Variants in GALR1 observed in about 807,000 individuals in gnomAD.
GALR1 encodes galanin receptor type 1.
In GALR1, 11 loss-of-function variants were observed where a neutral mutation model predicts 17.9. The observed-to-expected ratio is 0.62, with a 90% CI of 0.39 to 1.02. The LOEUF (loss-of-function observed/expected upper bound fraction) is 1.02. GALR1 is among the 50% of genes least tolerant of loss of function. The pLI, the probability that GALR1 is intolerant of heterozygous loss-of-function variation, is 0.01. For missense variants in GALR1, 441 were observed against 456.9 expected, an observed-to-expected ratio of 0.97 and a Z score of 0.32; for synonymous variants, 206 against 205.7, an observed-to-expected ratio of 1.00 and a Z score of -0.01.
rs143127587 is a variant in GALR1 at position 77,268,592 on chromosome 18, A to T, written c.740A>T (p.Gln247Leu). ...KSEASKKKTA[Q>L]TVLVVVVVFG... Reference sequence around the variant, plus strand: ...CCTCTTCTTCTTTTCTAGACTGCACAGACAGTTCTGGTGGTGGTTGTGGTG... The same window carrying T: ...CCTCTTCTTCTTTTCTAGACTGCACTGACAGTTCTGGTGGTGGTTGTGGTG... The change falls in exon 3 of 3, where the codon CAG becomes CTG. Residue 247 changes from glutamine to leucine, a missense_variant. Coordinates refer to ENST00000299727, the MANE Select transcript of GALR1 (RefSeq NM_001480.4). 1.9e-6 allele frequency: 3 copies of T among 1,612,704 alleles called. No individual in the cohort carries two copies. The African/African-American group carries it at 4.0e-5, about 22-fold the overall frequency.
intron 2 of GALR1, among the ~76,000 whole-genome samples, chr18:77,263,970 A>C (rs990755452): frequency 6.6e-6 from 1 of 151,860 alleles, no homozygotes; most frequent in East Asian, 1.9e-4. Flanking sequence ...ACCCGTCTAT[A>C]CTAAAAATAC....
chr18:77,258,648 GTC>G (rs1912669096), intron 2 of GALR1, among the ~76,000 whole-genome samples: 1 of 138,886 alleles, frequency 7.2e-6, no homozygotes, highest in Non-Finnish European at 1.6e-5. Context: ...GGTGGTGGTG[GTC>G]ATAGTGGTGG....
At chr18:77,262,780 G>T (rs55815515) in intron 2 of GALR1, among the ~76,000 whole-genome samples, 20,095 of 152,250 alleles carry the variant, frequency 0.13, 1,586 homozygotes, top group East Asian at 0.34. Context: ...TACCCATTAA[G>T]CCTTCTTTCC....
intron 2 of GALR1, among the ~76,000 whole-genome samples, chr18:77,257,676 A>G (rs988552247): frequency 6.6e-6 from 1 of 152,210 alleles, no homozygotes; most frequent in African/African-American, 2.4e-5. Flanking sequence ...CTCCTAGGAC[A>G]GTTATTTTTA....
At position 77,256,175 on chromosome 18, in the gene GALR1, T is replaced by C; in HGVS notation, c.684T>C (p.His228=). The change falls in exon 2 of 3, where the codon CAT becomes CAC. Residue 228 remains histidine (H), a synonymous_variant. Coordinates refer to ENST00000299727, the MANE Select transcript of GALR1 (RefSeq NM_001480.4). The part of the protein sequence containing the change: ...FCYAKVLNHL[H]KKLKNMSKKS... ...TCTTTCAGGTCCTTAATCACTTGCATAAAAAGTTGAAGAACATGTCAAAGA... is the reference window on the plus strand; with the variant it reads ...TCTTTCAGGTCCTTAATCACTTGCACAAAAAGTTGAAGAACATGTCAAAGA... The C allele has an allele frequency of 6.2e-7, 1 of 1,604,288 alleles. No individual in the cohort carries two copies. Among genetic ancestry groups the C allele is most frequent in the South Asian group, 1.1e-5 (1 of 90,834 alleles).
At chr18:77,259,314 A>G (rs1225705605) in intron 2 of GALR1, among the ~76,000 whole-genome samples, 5 of 88,858 alleles carry the variant, frequency 5.6e-5, no homozygotes, top group Admixed American at 1.2e-4. Flanking sequence ...GATGGTGGTG[A>G]TGATGGTGGT....
intron 1 of GALR1, among the ~76,000 whole-genome samples, chr18:77,252,519 G>A (rs1262390459): frequency 6.6e-6 from 1 of 152,188 alleles, no homozygotes; most frequent in South Asian, 2.1e-4. Context: ...TAGGTAGATT[G>A]TGTCTATTTT....
In GALR1 at chr18:77,252,941, CCACCACCATCACCACCAT is replaced by C. The variant is rs1568139126; in HGVS notation, c.666+1736_666+1753del. 8.2e-3 allele frequency among the ~76,000 whole-genome samples: 429 copies of C among 52,388 alleles called. 7 individuals are homozygous for C. Among genetic ancestry groups the C allele is most frequent in the Middle Eastern group, 0.079 (9 of 114 alleles). 34.4% of individuals were successfully genotyped at this position (52,388 alleles called of 152,430 possible). A position where few individuals can be genotyped will look rare whatever the true frequency, so the allele number is the denominator to read the frequency against. ...ACCACCATCACCACCACCACCACCACCACCACCATCACCACCATCACCACCACCATCACCACCATCACC... is the reference window on the plus strand; with the variant it reads ...ACCACCATCACCACCACCACCACCACCACCACCACCATCACCACCATCACC... On this transcript the variant is annotated intron_variant, in intron 1 of 2. Transcript: ENST00000299727.
At chr18:77,267,497 C>T (rs1025588925) in intron 2 of GALR1, among the ~76,000 whole-genome samples, 1 of 152,184 alleles carries the variant, frequency 6.6e-6, no homozygotes, top group Non-Finnish European at 1.5e-5. Flanking sequence ...TGCATGTGGT[C>T]CCATCATCGG....
At chr18:77,264,535 A>G (rs1431927628) in intron 2 of GALR1, among the ~76,000 whole-genome samples, 1 of 152,158 alleles carries the variant, frequency 6.6e-6, no homozygotes, top group Non-Finnish European at 1.5e-5. Flanking sequence ...TGGGAAGGCC[A>G]GGGGAGGGGG....
chr18:77,259,299 GTGA>G lies in GALR1; in HGVS notation c.732+3082_732+3084del, dbSNP rs1480156974. Among the ~76,000 whole-genome samples, 14 of 57,694 alleles carry G rather than the reference GTGA, an allele frequency of 2.4e-4. 2 individuals carry two copies. Among genetic ancestry groups the G allele is most frequent in the Non-Finnish European group, 3.5e-4 (7 of 20,144 alleles). The allele number at this position is 57,694 out of a possible 152,430, so 37.8% of individuals were successfully genotyped here. On this transcript the variant is annotated intron_variant, in intron 2 of 2. Coordinates refer to ENST00000299727, the MANE Select transcript of GALR1 (RefSeq NM_001480.4). Reference sequence around the variant, plus strand: ...GGTGGTGGTCATGGTGGTCATGGTGGTGATGATGGTGGTGATGATGGTGGTCAT... The same window carrying G: ...GGTGGTGGTCATGGTGGTCATGGTGGTGATGGTGGTGATGATGGTGGTCAT...
intron 2 of GALR1, among the ~76,000 whole-genome samples, chr18:77,258,824 GTGC>G (rs1568141509): frequency 1.0e-4 from 11 of 108,396 alleles, no homozygotes; most frequent in East Asian, 6.0e-4. Context: ...AGTGGTGGTG[GTGC>G]TGGTGATGGT....
rs1312932288 is a variant in GALR1, at chr18:77,277,707, T to G, written c.*8805T>G. ...AGAGCTGGCCATACAATTTATCTCA[T>G]TATTTATAGATCTAGCATGAATGCC... On this transcript the variant is annotated 3_prime_UTR_variant, in exon 3 of 3. Coordinates refer to ENST00000299727, the MANE Select transcript of GALR1 (RefSeq NM_001480.4). 1.3e-5 allele frequency: 2 copies of G among 152,234 alleles called. No individual in the cohort carries two copies. The highest frequency in any genetic ancestry group is 2.9e-5 in the Non-Finnish European group (2 of 68,050). 9.4% of individuals were successfully genotyped at this position (152,234 alleles called of 1,614,324 possible).
chr18:77,252,208 C>G (rs549892333), intron 1 of GALR1, among the ~76,000 whole-genome samples: 1 of 151,726 alleles, frequency 6.6e-6, no homozygotes, highest in African/African-American at 2.4e-5. Flanking sequence ...CTTTGACATA[C>G]GTGTTTTTAT....
Position 77,256,300 on chromosome 18 carries a change from G to A in GALR1, c.732+77G>A, listed in dbSNP as rs568547308. The stretch of plus-strand genomic sequence containing the variant: ...CTTTGTTTTTTTTACTTGTCCTCAC[G>A]TCCATCCAAAGCCTGTAACATTTAG... On this transcript the variant is annotated intron_variant, in intron 2 of 2. Coordinates refer to ENST00000299727, the MANE Select transcript of GALR1 (RefSeq NM_001480.4). The A allele has an allele frequency of 3.9e-5, 32 of 822,170 alleles. 2 individuals are homozygous for A. The highest frequency in any genetic ancestry group is 3.1e-4 in the South Asian group (20 of 65,564). The allele number at this position is 822,170 out of a possible 1,614,324, so 50.9% of individuals were successfully genotyped here.
chr18:77,266,542 C>T (rs563525142), intron 2 of GALR1, among the ~76,000 whole-genome samples: 8 of 152,260 alleles, frequency 5.3e-5, no homozygotes, highest in East Asian at 1.9e-4. Context: ...ACCAATTTAC[C>T]GTATTAGTCC....
In GALR1 at chr18:77,269,066, G is replaced by T; in HGVS notation, c.*164G>T. ...GTTAAAAAGTACTTTGATCCATTTAGGAAATTCCTAGGTCTAGTGAGAATT... is the reference window on the plus strand; with the variant it reads ...GTTAAAAAGTACTTTGATCCATTTATGAAATTCCTAGGTCTAGTGAGAATT... On this transcript the variant is annotated 3_prime_UTR_variant, in exon 3 of 3. Coordinates refer to ENST00000299727, the MANE Select transcript of GALR1 (RefSeq NM_001480.4). 1 of 604,044 alleles carries T rather than the reference G, an allele frequency of 1.7e-6. No individual in the cohort carries two copies. The allele number at this position is 604,044 out of a possible 1,614,324, so 37.4% of individuals were successfully genotyped here. A position where few individuals can be genotyped will look rare whatever the true frequency, so the allele number is the denominator to read the frequency against.
At chr18:77,262,645 T>C (rs1483856719) in intron 2 of GALR1, among the ~76,000 whole-genome samples, 1 of 152,224 alleles carries the variant, frequency 6.6e-6, no homozygotes, top group Non-Finnish European at 1.5e-5. Flanking sequence ...TGGCCTGAGA[T>C]GCTTGATAAA....
rs1913158290 is a variant in GALR1 at position 77,276,376 on chromosome 18, T to G, written c.*7474T>G. 1 of 152,252 alleles carries G rather than the reference T, an allele frequency of 6.6e-6. No homozygotes were observed. Among genetic ancestry groups the G allele is most frequent in the South Asian group, 2.1e-4 (1 of 4,832 alleles). 9.4% of individuals were successfully genotyped at this position (152,252 alleles called of 1,614,324 possible). On this transcript the variant is annotated 3_prime_UTR_variant, in exon 3 of 3. Transcript: ENST00000299727. ...GCATACAAGAAGGATTTGGAAAATG[T>G]CAGTGAGTTTGAAACTGGCTGTACA...
Sources: gnomAD v4.1 joint callset for allele counts (sites outside exome capture counted in the v4.1 genomes callset) on GRCh38, gnomAD v4.1.1 for gene constraint, MANE v1.5 for transcripts, NCBI Gene and HGNC (gene_info 2026-07-23, HGNC 2026-07-21) for gene names.